GNAO1: variants seen among roughly 807,000 people sequenced by gnomAD.
The protein encoded by GNAO1 is G protein subunit alpha o1.
For missense variants in GNAO1, 166 were observed against 478.7 expected (o/e 0.35, Z 6.10); for synonymous variants, 164 against 180.7 (o/e 0.91, Z 0.74).
intron 3 of GNAO1, among the ~76,000 whole-genome samples, chr16:56,297,518 A>G (rs78869495): frequency 0.024 from 3,005 of 125,212 alleles, 137 homozygotes; most frequent in East Asian, 0.21. Flanking sequence ...TGTTTTGTCT[A>G]ACTGGTGTGT....
intron 2 of GNAO1, among the ~76,000 whole-genome samples, chr16:56,199,979 G>C (rs969066483): frequency 6.6e-6 from 1 of 152,202 alleles, no homozygotes; most frequent in Admixed American, 6.5e-5. Context: ...ATGGAGAAAA[G>C]AGAAAGGGAG....
In GNAO1 at chr16:56,218,764, G is replaced by A. The variant is rs114902949; in HGVS notation, c.161+26148G>A. 7.5e-3 allele frequency among the ~76,000 whole-genome samples: 1,143 copies of A among 152,222 alleles called. 12 individuals are homozygous for A. Among genetic ancestry groups the A allele is most frequent in the Middle Eastern group, 0.037 (11 of 294 alleles). On this transcript the variant is annotated intron_variant, in intron 2 of 8. Coordinates refer to ENST00000262493, the MANE Select transcript of GNAO1 (RefSeq NM_020988.3). Reference sequence around the variant, plus strand: ...ATCTCCAGGCCTTTGTCCATGGTGTGCCCTATTCCTGGAGGCATCTTCACC... The same window carrying A: ...ATCTCCAGGCCTTTGTCCATGGTGTACCCTATTCCTGGAGGCATCTTCACC...
chr16:56,228,552 T>C (rs2036556626), intron 2 of GNAO1, among the ~76,000 whole-genome samples: 1 of 152,152 alleles, frequency 6.6e-6, no homozygotes, highest in African/African-American at 2.4e-5. Flanking sequence ...AGAAATGTGA[T>C]GTTTTCTTCT....
At chr16:56,329,905 G>A (rs1443172445) in intron 4 of GNAO1, among the ~76,000 whole-genome samples, 4 of 152,182 alleles carry the variant, frequency 2.6e-5, no homozygotes, top group Non-Finnish European at 5.9e-5. Context: ...ACACCCCATA[G>A]TGTGCAGGAC....
intron 2 of GNAO1, among the ~76,000 whole-genome samples, chr16:56,195,717 G>T (rs1011347856): frequency 1.4e-4 from 21 of 152,206 alleles, no homozygotes; most frequent in Admixed American, 1.3e-3. Flanking sequence ...CCTAATGGGG[G>T]GCTGCAGTCT....
intron 2 of GNAO1, chr16:56,213,330 GAC>G (rs1179971754): frequency 5.0e-6 from 2 of 398,310 alleles, no homozygotes; most frequent in African/African-American, 4.1e-5. Flanking sequence ...AACTGAGCAA[GAC>G]ACACAAAATC....
intron 2 of GNAO1, among the ~76,000 whole-genome samples, chr16:56,229,973 A>G (rs2036573097): frequency 6.6e-6 from 1 of 152,158 alleles, no homozygotes; most frequent in Non-Finnish European, 1.5e-5. Context: ...ACCTCAAGCC[A>G]GAGTTGTGTT....
At chr16:56,246,641 C>T (rs1272965859) in intron 2 of GNAO1, among the ~76,000 whole-genome samples, 2 of 152,168 alleles carry the variant, frequency 1.3e-5, no homozygotes, top group African/African-American at 2.4e-5. Context: ...AAAGCTCACA[C>T]GGCACCGCTG....
At chr16:56,232,018 A>G (rs1232543975) in intron 2 of GNAO1, among the ~76,000 whole-genome samples, 2 of 152,170 alleles carry the variant, frequency 1.3e-5, no homozygotes, top group South Asian at 2.1e-4. Context: ...CATCTGATCC[A>G]TTCCCATTTA....
intron 6 of GNAO1, chr16:56,346,782 T>G: frequency 6.1e-6 from 6 of 985,410 alleles, no homozygotes; most frequent in Non-Finnish European, 7.2e-6. Context: ...CTGCCCTCCA[T>G]GGTCTGCACT....
In GNAO1 at chr16:56,276,022, G is replaced by A. The variant is rs903629384; in HGVS notation, c.253G>A (p.Val85Ile). Residue 85 changes from valine to isoleucine, a missense_variant, in exon 3 of 9, where the codon GTC (valine) becomes ATC (isoleucine). Val to Ile is a conservative substitution (Grantham distance 29, BLOSUM62 3). Coordinates refer to ENST00000262493, the MANE Select transcript of GNAO1 (RefSeq NM_020988.3). ...SNTIQSLAAI[V>I]RAMDTLGIEY... is the part of the protein sequence containing the mutation. Reference sequence around the variant, plus strand: ...CACTATCCAGTCCCTGGCAGCCATCGTCCGGGCCATGGACACTTTGGGCAT... The same window carrying A: ...CACTATCCAGTCCCTGGCAGCCATCATCCGGGCCATGGACACTTTGGGCAT... The A allele has an allele frequency of 2.5e-6, 4 of 1,613,922 alleles. No individual in the cohort carries two copies. The highest frequency in any genetic ancestry group is 1.3e-5 in the African/African-American group (1 of 74,908).
chr16:56,274,295 C>T (rs1261532963), intron 2 of GNAO1, among the ~76,000 whole-genome samples: 1 of 152,168 alleles, frequency 6.6e-6, no homozygotes, highest in East Asian at 1.9e-4. Flanking sequence ...TAGTTGTTTA[C>T]AGTGGGAGCT....
intron 2 of GNAO1, chr16:56,213,475 C>T (rs776280747): frequency 6.3e-5 from 25 of 395,330 alleles, no homozygotes; most frequent in South Asian, 1.4e-4. Flanking sequence ...GGGGCATGAG[C>T]GGGAGGGAAT....
chr16:56,233,985 AT>A (rs2036614334), intron 2 of GNAO1, among the ~76,000 whole-genome samples: 1 of 152,212 alleles, frequency 6.6e-6, no homozygotes, highest in Non-Finnish European at 1.5e-5. Context: ...GAAGCATGGT[AT>A]TGATTTGCCC....
chr16:56,354,330 C>A lies in GNAO1; in HGVS notation c.878-536C>A, dbSNP rs1223873297. Among the ~76,000 whole-genome samples the A allele has an allele frequency of 6.6e-6, 1 of 150,456 alleles. No individual in the cohort carries two copies. The highest frequency in any genetic ancestry group is 2.5e-5 in the African/African-American group (1 of 40,238). ...GTCCAAAGCCAGGCAAATGCTCAGCCTGTGTATGGTTGGTGCAAAAGTAAT... is the reference window on the plus strand; with the variant it reads ...GTCCAAAGCCAGGCAAATGCTCAGCATGTGTATGGTTGGTGCAAAAGTAAT... On this transcript the variant is annotated intron_variant, in intron 7 of 8. Coordinates refer to ENST00000262493, the MANE Select transcript of GNAO1 (RefSeq NM_020988.3). The surrounding 1 kb of genome is among the most constrained non-coding windows in gnomAD (Gnocchi z 4.3).
At chr16:56,344,080 G>A (rs1343241374) in intron 6 of GNAO1, 2 of 1,472,464 alleles carry the variant, frequency 1.4e-6, no homozygotes, top group African/African-American at 2.8e-5. Context: ...GGCACCAAGG[G>A]AGGGAGGAGG....
rs142526483 is a variant in GNAO1, at chr16:56,195,342, G to C, written c.161+2726G>C. Among the ~76,000 whole-genome samples the C allele has an allele frequency of 1.6e-3, 243 of 152,270 alleles. 1 individual carries two copies. Among genetic ancestry groups the C allele is most frequent in the African/African-American group, 5.6e-3 (233 of 41,558 alleles). On this transcript the variant is annotated intron_variant, in intron 2 of 8. Transcript: ENST00000262493. ...TTCCAGCTTGGCTTGAAATACATCA[G>C]ATCAGGGCCTTGTGCCAAGCTGAAT...
chr16:56,313,319 TC>T (rs2037477685), intron 3 of GNAO1, among the ~76,000 whole-genome samples: 1 of 152,170 alleles, frequency 6.6e-6, no homozygotes, highest in Non-Finnish European at 1.5e-5. Flanking sequence ...GTAGGTTATA[TC>T]TATCAATTTT....
At chr16:56,325,956 G>C (rs1254066968) in intron 3 of GNAO1, among the ~76,000 whole-genome samples, 1 of 152,084 alleles carries the variant, frequency 6.6e-6, no homozygotes, top group Non-Finnish European at 1.5e-5. Flanking sequence ...AAAATCCCAG[G>C]GAAAGACTAC....
Sources: gnomAD v4.1 joint callset for allele counts (sites outside exome capture counted in the v4.1 genomes callset) on GRCh38, gnomAD v4.1.1 for gene constraint, Gnocchi (gnomAD v3.1) non-coding constraint, MANE v1.5 for transcripts, NCBI Gene and HGNC (gene_info 2026-07-23, HGNC 2026-07-21) for gene names.